CAMK2B: variants seen among roughly 807,000 people sequenced by gnomAD.
The protein encoded by CAMK2B is calcium/calmodulin-dependent protein kinase type II subunit beta.
Under a neutral mutation model 93.7 loss-of-function variants are expected in CAMK2B, and 27 were observed. That is an observed-to-expected ratio of 0.29 (90% confidence interval 0.21 to 0.40). The LOEUF (loss-of-function observed/expected upper bound fraction) is 0.40. CAMK2B is among the 10% of genes least tolerant of loss of function. CAMK2B has a pLI of 1.00. For synonymous variants in CAMK2B, 374 were observed against 358.8 expected (o/e 1.04, Z -0.48); for missense variants, 568 against 895.8 (o/e 0.63, Z 4.67).
At chr7:44,317,097 A>G (rs1424927398) in intron 1 of CAMK2B, among the ~76,000 whole-genome samples, 1 of 152,086 alleles carries the variant, frequency 6.6e-6, no homozygotes, top group Non-Finnish European at 1.5e-5. Context: ...TTTGTTCACT[A>G]CTGTTTCCCA....
At chr7:44,305,985 T>C (rs1411368222) in intron 1 of CAMK2B, among the ~76,000 whole-genome samples, 1 of 151,714 alleles carries the variant, frequency 6.6e-6, no homozygotes, top group Non-Finnish European at 1.5e-5. Flanking sequence ...CAGGCACCAC[T>C]TGAGAGGGGA....
At chr7:44,236,794 T>G (rs1442407955) in intron 13 of CAMK2B, among the ~76,000 whole-genome samples, 1 of 152,138 alleles carries the variant, frequency 6.6e-6, no homozygotes, top group East Asian at 1.9e-4. Context: ...ACCCGCCCAG[T>G]GCCAGCCAGC....
chr7:44,244,190 C>T (rs1487050899), intron 6 of CAMK2B, among the ~76,000 whole-genome samples: 2 of 152,196 alleles, frequency 1.3e-5, no homozygotes, highest in African/African-American at 4.8e-5. Context: ...CTGCAATGAC[C>T]CCCTGCCCGC....
intron 2 of CAMK2B, among the ~76,000 whole-genome samples, chr7:44,272,184 G>C (rs548464969): frequency 9.2e-5 from 14 of 152,186 alleles, no homozygotes; most frequent in African/African-American, 1.9e-4. Flanking sequence ...CGGGGAATTG[G>C]GGGGGTGGGC....
In CAMK2B at chr7:44,289,783, C is replaced by T. The variant is rs151100564; in HGVS notation, c.66-5558G>A. Among the ~76,000 whole-genome samples, 254 of 152,374 alleles carry T rather than the reference C, an allele frequency of 1.7e-3. 2 individuals carry two copies. Among genetic ancestry groups the T allele is most frequent in the African/African-American group, 5.5e-3 (230 of 41,588 alleles). On this transcript the variant is annotated intron_variant, in intron 1 of 23. Transcript: ENST00000395749. Reference sequence around the variant, plus strand: ...GTGATCGTGCATGTGATCCCCATGACAGGCTGCTGAGCTCCCGCAGGGCAG... The same window carrying T: ...GTGATCGTGCATGTGATCCCCATGATAGGCTGCTGAGCTCCCGCAGGGCAG...
chr7:44,221,745 C>T (rs1197498480), intron 20 of CAMK2B, among the ~76,000 whole-genome samples: 1 of 152,238 alleles, frequency 6.6e-6, no homozygotes, highest in African/African-American at 2.4e-5. Context: ...CAACAGGCCA[C>T]CCAGCCATGC....
At chr7:44,295,245 A>C (rs1291660755) in intron 1 of CAMK2B, among the ~76,000 whole-genome samples, 1 of 152,276 alleles carries the variant, frequency 6.6e-6, no homozygotes, top group Non-Finnish European at 1.5e-5. Context: ...CAAAGCTTAA[A>C]ACATTGGTCT....
intron 5 of CAMK2B, among the ~76,000 whole-genome samples, chr7:44,252,405 G>A (rs2096788993): frequency 6.6e-6 from 1 of 151,842 alleles, no homozygotes; most frequent in Non-Finnish European, 1.5e-5. Context: ...GCTCTGGGGG[G>A]CTGCAGGACA....
chr7:44,280,594 C>G (rs1172189505), intron 2 of CAMK2B, among the ~76,000 whole-genome samples: 4 of 152,240 alleles, frequency 2.6e-5, no homozygotes, highest in African/African-American at 7.2e-5. Flanking sequence ...TTTTAAAACA[C>G]CAAGTTGACC....
At chr7:44,303,618 C>A (rs79696463) in intron 1 of CAMK2B, among the ~76,000 whole-genome samples, 1 of 152,166 alleles carries the variant, frequency 6.6e-6, no homozygotes, top group Non-Finnish European at 1.5e-5. Flanking sequence ...GGGTCATAGA[C>A]CTAAATGTAA....
At chr7:44,292,063 T>C (rs1190525771) in intron 1 of CAMK2B, among the ~76,000 whole-genome samples, 1 of 152,194 alleles carries the variant, frequency 6.6e-6, no homozygotes, top group East Asian at 1.9e-4. Context: ...ACAGTTCTGG[T>C]GGCCAGAAGG....
chr7:44,236,322 G>A (rs570351911), intron 13 of CAMK2B, among the ~76,000 whole-genome samples: 1 of 152,356 alleles, frequency 6.6e-6, no homozygotes, highest in African/African-American at 2.4e-5. Context: ...GACCCCATGT[G>A]CAGTGGGCAC....
At chr7:44,228,524 T>A (rs554074853) in intron 19 of CAMK2B, among the ~76,000 whole-genome samples, 62 of 151,756 alleles carry the variant, frequency 4.1e-4, no homozygotes, top group African/African-American at 1.4e-3. Flanking sequence ...GGGACAGACA[T>A]TTTGGAGAGG....
At position 44,249,247 on chromosome 7, in the gene CAMK2B, A is replaced by ATGGC. The variant is rs561710082; in HGVS notation, c.342-2059_342-2056dup. Among the ~76,000 whole-genome samples the ATGGC allele has an allele frequency of 5.2e-3, 799 of 152,274 alleles. 6 individuals are homozygous for ATGGC. Among genetic ancestry groups the ATGGC allele is most frequent in the Admixed American group, 0.011 (167 of 15,306 alleles). On this transcript the variant is annotated intron_variant, in intron 5 of 23. Transcript: ENST00000395749. ...CCTGCCAAGGCCTGTGAGCCTAAGC[A>ATGGC]TGGCTGGCTGGCTGGCTGGGGTGGG...
intron 1 of CAMK2B, among the ~76,000 whole-genome samples, chr7:44,300,028 G>C (rs994235917): frequency 2.7e-5 from 4 of 150,484 alleles, no homozygotes; most frequent in African/African-American, 4.9e-5. Context: ...GTCTGTGTGT[G>C]TGTGTGTGTG....
chr7:44,219,344 G>GTTTTTTTTTTTTTTTTTTTTT lies in CAMK2B; in HGVS notation c.*180_*181insAAAAAAAAAAAAAAAAAAAAA, dbSNP rs59312365. 2.8e-5 allele frequency: 1 copy of GTTTTTTTTTTTTTTTTTTTTT among 35,184 alleles called. No individual in the cohort carries two copies. 2.2% of individuals were successfully genotyped at this position (35,184 alleles called of 1,614,324 possible). A position where few individuals can be genotyped will look rare whatever the true frequency, so the allele number is the denominator to read the frequency against. On this transcript the variant is annotated 3_prime_UTR_variant, in exon 24 of 24. Transcript: ENST00000395749. The stretch of plus-strand genomic sequence containing the variant: ...TTTTTGTGGTTGTCGTCGTCATCTT[G>GTTTTTTTTTTTTTTTTTTTTT]TTTTTTTTTTTTTTTTTTTTGTTTT...
intron 19 of CAMK2B, 37 bp downstream of exon 19, chr7:44,228,759 G>T: frequency 1.4e-6 from 2 of 1,435,300 alleles, no homozygotes; most frequent in Non-Finnish European, 9.2e-7. Context: ...GGAGCTGTCC[G>T]GCAGCAGAGG....
chr7:44,232,760 CCT>C, intron 16 of CAMK2B, 60 bp downstream of exon 16: 1 of 1,531,400 alleles, frequency 6.5e-7, no homozygotes. Flanking sequence ...CTGCCCCAGA[CCT>C]CTCTCCTGGC....
At chr7:44,295,866 A>G (rs976923681) in intron 1 of CAMK2B, among the ~76,000 whole-genome samples, 3 of 152,166 alleles carry the variant, frequency 2.0e-5, no homozygotes, top group African/African-American at 7.2e-5. Flanking sequence ...GTAGTACATA[A>G]GCGGATGGAA....
Sources: gnomAD v4.1 joint callset for allele counts (sites outside exome capture counted in the v4.1 genomes callset) on GRCh38, gnomAD v4.1.1 for gene constraint, MANE v1.5 for transcripts, NCBI Gene and HGNC (gene_info 2026-07-23, HGNC 2026-07-21) for gene names.